Variants in RBFOX1 observed in about 807,000 individuals in gnomAD.
RBFOX1 encodes the protein RNA binding fox-1 homolog 1.
RBFOX1 carries 8 observed loss-of-function variants against 57.7 expected under a neutral mutation model. That is an observed-to-expected ratio of 0.14 (90% CI 0.08 to 0.25). The LOEUF is 0.25. RBFOX1 is among the 10% of genes least tolerant of loss of function. RBFOX1 has a pLI of 1.00. For missense variants in RBFOX1, 611 were observed against 548.5 expected (o/e 1.11, Z -1.14); for synonymous variants, 326 against 222.4 (o/e 1.47, Z -4.15).
chr16:6,818,350 C>G (rs2090565614), intron 3 of RBFOX1, among the ~76,000 whole-genome samples: 1 of 151,990 alleles, frequency 6.6e-6, no homozygotes, highest in Non-Finnish European at 1.5e-5. Context: ...CGGAGCTCAC[C>G]TCACCCATCC....
chr16:6,620,152 C>T (rs1274348488), intron 2 of RBFOX1, among the ~76,000 whole-genome samples: 1 of 152,148 alleles, frequency 6.6e-6, no homozygotes, highest in East Asian at 1.9e-4. Context: ...CAAACAGTCT[C>T]TTGCACCACA....
At chr16:6,842,676 C>T (rs1197207555) in intron 3 of RBFOX1, among the ~76,000 whole-genome samples, 3 of 136,562 alleles carry the variant, frequency 2.2e-5, no homozygotes, top group Admixed American at 1.5e-4. Flanking sequence ...AATTTTACTT[C>T]AAGTTCTGGG....
chr16:6,186,435 T>C (rs1238808844), intron 1 of RBFOX1, among the ~76,000 whole-genome samples: 1 of 152,160 alleles, frequency 6.6e-6, no homozygotes, highest in Non-Finnish European at 1.5e-5. Flanking sequence ...GAATACATTG[T>C]TCATAAGGGT....
chr16:7,168,304 G>T (rs2079982323), intron 4 of RBFOX1, among the ~76,000 whole-genome samples: 1 of 151,918 alleles, frequency 6.6e-6, no homozygotes, highest in South Asian at 2.1e-4. Context: ...ATGGACCAAG[G>T]TCTGTTTTGC....
intron 4 of RBFOX1, chr16:7,333,138 GTAA>G (rs1396878603): frequency 1.9e-6 from 3 of 1,539,512 alleles, no homozygotes; most frequent in African/African-American, 2.7e-5. Flanking sequence ...AGTGCTCAGA[GTAA>G]TAATTGGAAT....
At chr16:7,233,755 G>C (rs574897118) in intron 4 of RBFOX1, among the ~76,000 whole-genome samples, 1 of 152,242 alleles carries the variant, frequency 6.6e-6, no homozygotes, top group Admixed American at 6.5e-5. Flanking sequence ...AACAACATTT[G>C]GGAATTTATT....
intron 4 of RBFOX1, among the ~76,000 whole-genome samples, chr16:5,889,251 G>A (rs945054253): frequency 2.6e-5 from 4 of 151,980 alleles, no homozygotes; most frequent in African/African-American, 7.2e-5. Context: ...CACACTCTCC[G>A]GCAGTGTGTG....
chr16:7,188,615 T>C (rs2084517102), intron 4 of RBFOX1, among the ~76,000 whole-genome samples: 1 of 152,200 alleles, frequency 6.6e-6, no homozygotes, highest in Non-Finnish European at 1.5e-5. Context: ...CTGCAGACTT[T>C]TCCAATAAGC....
chr16:7,595,582 G>A lies in RBFOX1; in HGVS notation c.502G>A (p.Asp168Asn), dbSNP rs2094643061. ...TTTCGTAACTTTCGAAAATAGTGCC[G>A]ATGCGGACAGGGCGAGGGAGAAATT... ...FGFVTFENSA[D>N]ADRAREKLHG... Residue 168 changes from aspartate (D) to asparagine (N), a missense_variant, in exon 8 of 16, where the codon GAT (aspartate) becomes AAT (asparagine). Physicochemically the swap from Asp to Asn is conservative, Grantham distance 23. Transcript: ENST00000550418. 5 of 1,562,034 alleles carry A rather than the reference G, an allele frequency of 3.2e-6. No individual in the cohort carries two copies. Among genetic ancestry groups the A allele is most frequent in the South Asian group, 1.2e-5 (1 of 81,296 alleles).
intron 3 of RBFOX1, among the ~76,000 whole-genome samples, chr16:7,046,860 T>G (rs2048149288): frequency 1.3e-5 from 2 of 152,002 alleles, no homozygotes; most frequent in Admixed American, 1.3e-4. Context: ...CGAGCCTCGG[T>G]CTTTCAAAGT....
chr16:6,141,318 A>G (rs552861496), intron 1 of RBFOX1, among the ~76,000 whole-genome samples: 1 of 152,322 alleles, frequency 6.6e-6, no homozygotes, highest in East Asian at 1.9e-4. Flanking sequence ...CAAGGGCGAT[A>G]CGGAAGAGCT....
intron 3 of RBFOX1, among the ~76,000 whole-genome samples, chr16:6,884,628 G>C (rs867171836): frequency 6.6e-6 from 1 of 152,180 alleles, no homozygotes; most frequent in South Asian, 2.1e-4. Flanking sequence ...GCCAGGTGTG[G>C]TGGCTCACAC....
chr16:5,524,910 CA>C (rs1232485783), intron 2 of RBFOX1, among the ~76,000 whole-genome samples: 20 of 152,252 alleles, frequency 1.3e-4, no homozygotes, highest in Admixed American at 1.2e-3. Flanking sequence ...TTCCCAGCCC[CA>C]CAAGTCCCCC....
chr16:6,748,937 A>G (rs557820317), intron 3 of RBFOX1: 3 of 152,308 alleles, frequency 2.0e-5, no homozygotes, highest in Admixed American at 2.0e-4. Flanking sequence ...GAATTTGTCT[A>G]GCAACCTTTC....
chr16:6,016,292 A>C (rs1317132018), upstream of RBFOX1, among the ~76,000 whole-genome samples: 1 of 136,110 alleles, frequency 7.3e-6, no homozygotes, highest in Non-Finnish European at 1.7e-5. Context: ...AGGGATTGGC[A>C]GGGAGAAAGT....
At chr16:7,135,695 A>T (rs1252514300) in intron 4 of RBFOX1, among the ~76,000 whole-genome samples, 6 of 152,274 alleles carry the variant, frequency 3.9e-5, no homozygotes, top group African/African-American at 1.4e-4. Context: ...ACAAGAGATA[A>T]GGCCTAAGTG....
chr16:6,368,452 G>A (rs376237556), intron 2 of RBFOX1, among the ~76,000 whole-genome samples: 2 of 152,130 alleles, frequency 1.3e-5, no homozygotes, highest in African/African-American at 2.4e-5. Context: ...GTGATTACAC[G>A]GATCGTGCTG....
At chr16:7,482,802 C>A (rs2064336612) in intron 4 of RBFOX1, among the ~76,000 whole-genome samples, 1 of 152,116 alleles carries the variant, frequency 6.6e-6, no homozygotes, top group South Asian at 2.1e-4. Flanking sequence ...GTAAATGAGT[C>A]CTCCCACAAG....
chr16:6,794,790 C>T (rs958582941), intron 3 of RBFOX1, among the ~76,000 whole-genome samples: 1 of 152,076 alleles, frequency 6.6e-6, no homozygotes, highest in Non-Finnish European at 1.5e-5. Context: ...TGTTTTCTTT[C>T]AGTAGCAGAT....
Sources: gnomAD v4.1 joint callset for allele counts (sites outside exome capture counted in the v4.1 genomes callset) on GRCh38, gnomAD v4.1.1 for gene constraint, MANE v1.5 for transcripts, NCBI Gene and HGNC (gene_info 2026-07-23, HGNC 2026-07-21) for gene names.